PITPNM2: variants seen among roughly 807,000 people sequenced by gnomAD.
PITPNM2 encodes the protein membrane-associated phosphatidylinositol transfer protein 2.
In PITPNM2, 35 loss-of-function variants were observed where a neutral mutation model predicts 132.2. That is an observed-to-expected ratio of 0.26 (90% confidence interval 0.20 to 0.35). The LOEUF is 0.35. PITPNM2 is among the 10% of genes least tolerant of loss of function. The pLI is 1.00. For missense variants in PITPNM2, 1,332 were observed against 1,912.0 expected (o/e 0.70, Z 5.66); for synonymous variants, 738 against 799.2 (o/e 0.92, Z 1.29).
rs1335159394 is a variant in PITPNM2 at position 123,114,988 on chromosome 12, G to C, written c.-199-4500C>G. On this transcript the variant is annotated intron_variant, in intron 1 of 25. Coordinates refer to ENST00000320201, the MANE Select transcript of PITPNM2 (RefSeq NM_020845.3). The stretch of plus-strand genomic sequence containing the variant: ...GCGTGCTACAGCCTCTGAGCAGTGG[G>C]GACTCAGGGAAAGTCAGGTGGCTGA... Among the ~76,000 whole-genome samples, 4 of 152,178 alleles carry C rather than the reference G, an allele frequency of 2.6e-5. No individual in the cohort carries two copies. The South Asian group carries it at 6.2e-4, about 24-fold the overall frequency.
At chr12:123,102,061 A>C (rs1038196833) in intron 2 of PITPNM2, among the ~76,000 whole-genome samples, 3 of 152,216 alleles carry the variant, frequency 2.0e-5, no homozygotes, top group Non-Finnish European at 4.4e-5. Context: ...ATTTGTAGGC[A>C]CAACCTAGAC....
intron 2 of PITPNM2, among the ~76,000 whole-genome samples, chr12:123,038,876 G>T (rs953209732): frequency 6.6e-6 from 1 of 152,216 alleles, no homozygotes; most frequent in African/African-American, 2.4e-5. Context: ...AAGGCAGGAG[G>T]ATTACCTGAG....
intron 2 of PITPNM2, among the ~76,000 whole-genome samples, chr12:123,086,498 C>T (rs2042115334): frequency 6.6e-6 from 1 of 152,218 alleles, no homozygotes; most frequent in Non-Finnish European, 1.5e-5. Context: ...TCCCTTAATG[C>T]TGGCCAGGAG....
intron 23 of PITPNM2, 123 bp from the exon 24 acceptor site, chr12:122,986,952 C>T (rs1249395265): frequency 4.8e-6 from 6 of 1,260,942 alleles, no homozygotes; most frequent in African/African-American, 1.5e-5. Flanking sequence ...CAGACAGTAA[C>T]GACGACAATG....
intron 23 of PITPNM2, 35 bp from the exon 24 acceptor site, chr12:122,986,864 C>T (rs372464906): frequency 7.7e-6 from 12 of 1,562,912 alleles, no homozygotes; most frequent in Admixed American, 1.9e-5. Context: ...GTCACCCCTT[C>T]CTCCCTCCTG....
At chr12:123,061,953 A>T (rs973760517) in intron 2 of PITPNM2, among the ~76,000 whole-genome samples, 3 of 152,140 alleles carry the variant, frequency 2.0e-5, no homozygotes, top group Non-Finnish European at 2.9e-5. Context: ...TGTTCTAACA[A>T]AGGGACTCTG....
chr12:123,098,968 C>A (rs1389278416), intron 2 of PITPNM2, among the ~76,000 whole-genome samples: 1 of 152,218 alleles, frequency 6.6e-6, no homozygotes, highest in Non-Finnish European at 1.5e-5. Flanking sequence ...TCCTCCATAT[C>A]CTTCAAAGCC....
intron 3 of PITPNM2, among the ~76,000 whole-genome samples, chr12:123,020,794 A>T (rs1383284679): frequency 6.6e-6 from 1 of 152,050 alleles, no homozygotes; most frequent in Non-Finnish European, 1.5e-5. Flanking sequence ...AGGCTGAGGC[A>T]GGCAGATCAC....
At chr12:123,037,473 C>T (rs559524348) in intron 2 of PITPNM2, among the ~76,000 whole-genome samples, 4 of 152,324 alleles carry the variant, frequency 2.6e-5, no homozygotes, top group South Asian at 2.1e-4. Context: ...GCACCCACTC[C>T]GCCTCTGTGG....
intron 2 of PITPNM2, among the ~76,000 whole-genome samples, chr12:123,096,521 T>C (rs756555701): frequency 6.6e-6 from 1 of 151,700 alleles, no homozygotes; most frequent in Non-Finnish European, 1.5e-5. Flanking sequence ...AGTGGGAAGA[T>C]GGGGAGGGGG....
At chr12:122,995,081 C>A in intron 14 of PITPNM2, 102 bp from the exon 15 acceptor site, 1 of 1,317,844 alleles carries the variant, frequency 7.6e-7, no homozygotes, top group Non-Finnish European at 1.0e-6. Flanking sequence ...CGGGGGCCCA[C>A]TGGCTTCAGG....
At position 122,994,893 on chromosome 12, in the gene PITPNM2, C is replaced by T. The variant is rs369197222; in HGVS notation, c.2141G>A (p.Arg714Lys). ...TMLDGTGALG[R>K]FDFEITDLFL... is the part of the protein sequence containing the mutation. Reference sequence around the variant, plus strand: ...GAGGTCGGTGATCTCAAAGTCAAACCTGCCCAGGGCACCTGTGCCATCCAG... The same window carrying T: ...GAGGTCGGTGATCTCAAAGTCAAACTTGCCCAGGGCACCTGTGCCATCCAG... The change falls in exon 15 of 26, where the codon AGG (arginine) becomes AAG (lysine). Residue 714 changes from arginine (R) to lysine (K), a missense_variant. Arg to Lys is a conservative substitution (Grantham distance 26). This residue lies in a region of PITPNM2 where 710 missense variants were observed against 911.5 expected (regional missense o/e 0.78). Transcript: ENST00000320201. This position sits in a 1 kb window ranked among gnomAD's most constrained non-coding sequence, Gnocchi z 5.4. 1.4e-5 allele frequency: 22 copies of T among 1,612,276 alleles called. No homozygotes were observed. Among genetic ancestry groups the T allele is most frequent in the Middle Eastern group, 1.6e-4 (1 of 6,082 alleles).
At chr12:123,103,537 G>A (rs1357141161) in intron 2 of PITPNM2, among the ~76,000 whole-genome samples, 4 of 152,340 alleles carry the variant, frequency 2.6e-5, no homozygotes, top group African/African-American at 7.2e-5. Context: ...GCTGGCCAGC[G>A]GAGGCTGGGC....
At position 123,031,279 on chromosome 12, in the gene PITPNM2, C is replaced by T. The variant is rs1292430080; in HGVS notation, c.78+3234G>A. 1.3e-5 allele frequency among the ~76,000 whole-genome samples: 2 copies of T among 152,220 alleles called. No individual in the cohort carries two copies. Among genetic ancestry groups the T allele is most frequent in the Non-Finnish European group, 2.9e-5 (2 of 68,038 alleles). ...TCCATGCAGACAGTAGGCAGGCCAG[C>T]GTTTTGCCCCTCAGAGGGCACACGA... On this transcript the variant is annotated intron_variant, in intron 3 of 25. Transcript: ENST00000320201. The surrounding 1 kb of genome is among the most constrained non-coding windows in gnomAD (Gnocchi z 4.5).
intron 5 of PITPNM2, among the ~76,000 whole-genome samples, chr12:123,011,912 A>T (rs2039223564): frequency 6.6e-6 from 1 of 152,092 alleles, no homozygotes; most frequent in Admixed American, 6.5e-5. Context: ...AGACCCAGGA[A>T]ATCCCAGCAG....
Position 122,992,559 on chromosome 12 carries a change from G to A in PITPNM2, c.2344C>T (p.Pro782Ser). 6.2e-7 allele frequency: 1 copy of A among 1,611,768 alleles called. No homozygotes were observed. Among genetic ancestry groups the A allele is most frequent in the Non-Finnish European group, 8.5e-7 (1 of 1,179,594 alleles). Residue 782 changes from proline to serine, a missense_variant, in exon 16 of 26, where the codon CCT (proline) becomes TCT (serine). Pro to Ser is a moderately conservative substitution (Grantham distance 74). Coordinates refer to ENST00000320201, the MANE Select transcript of PITPNM2 (RefSeq NM_020845.3). This position sits in a 1 kb window ranked among gnomAD's most constrained non-coding sequence, Gnocchi z 6.5. Reference protein sequence around the residue: ...LLERRFHALPPFSVPRYQRYP... With the variant: ...LLERRFHALPSFSVPRYQRYP... ...CGTTGGTAGCGGGGGACGCTGAAAG[G>A]CGGCAGGGCGTGAAAGCGCCGTTCC...
chr12:123,121,365 G>A (rs189372158), intron 1 of PITPNM2, among the ~76,000 whole-genome samples: 33 of 152,274 alleles, frequency 2.2e-4, no homozygotes, highest in Admixed American at 4.6e-4. Context: ...AAGACCGTGT[G>A]TCAAAACAAA....
Position 122,992,760 on chromosome 12 carries a change from C to A in PITPNM2, c.2234-91G>T. The A allele has an allele frequency of 9.6e-7, 1 of 1,039,736 alleles. No individual in the cohort carries two copies. The highest frequency in any genetic ancestry group is 1.4e-6 in the Non-Finnish European group (1 of 717,044). The allele number at this position is 1,039,736 out of a possible 1,614,324, so 64.4% of individuals were successfully genotyped here. A position where few individuals can be genotyped will look rare whatever the true frequency, so the allele number is the denominator to read the frequency against. On this transcript the variant is annotated intron_variant, in intron 15 of 25. Coordinates refer to ENST00000320201, the MANE Select transcript of PITPNM2 (RefSeq NM_020845.3). The surrounding 1 kb of genome is among the most constrained non-coding windows in gnomAD (Gnocchi z 6.5). ...ATTTGGGAACTGGGCACTGGGTTGT[C>A]TGCTGAAAGTTAGGGATAAGATGGG...
rs1251970066 is a variant in PITPNM2, at chr12:123,005,566, C to T, written c.644-18G>A. 1.1e-5 allele frequency: 17 copies of T among 1,606,182 alleles called. No individual in the cohort carries two copies. Among genetic ancestry groups the T allele is most frequent in the Non-Finnish European group, 1.4e-5 (16 of 1,175,698 alleles). ...CCGTAGTCCTGTGCCCCATGGGGAT[C>T]AGAGAGGGAGAGACGAGGGGAGGGA... On this transcript the variant is annotated intron_variant, in intron 6 of 25. Coordinates refer to ENST00000320201, the MANE Select transcript of PITPNM2 (RefSeq NM_020845.3). The surrounding 1 kb of genome is among the most constrained non-coding windows in gnomAD (Gnocchi z 6.2).
Sources: gnomAD v4.1 joint callset for allele counts (sites outside exome capture counted in the v4.1 genomes callset) on GRCh38, gnomAD v4.1.1 for gene constraint, gnomAD v4.1.1 regional missense constraint, Gnocchi (gnomAD v3.1) non-coding constraint, MANE v1.5 for transcripts, NCBI Gene and HGNC (gene_info 2026-07-23, HGNC 2026-07-21) for gene names.